Variants in FAM13C observed in about 807,000 individuals in gnomAD.
FAM13C encodes protein FAM13C.
A neutral mutation model predicts 73.2 loss-of-function variants in FAM13C; 37 were observed. The ratio of observed to expected loss-of-function variants is 0.51; its 90% CI spans 0.39 to 0.67. The LOEUF is 0.67. Ranked by LOEUF, FAM13C falls within the 30% of genes least tolerant of loss-of-function variation. The pLI, the probability that FAM13C is intolerant of heterozygous loss-of-function variation, is 0.00. For synonymous variants in FAM13C, 246 were observed against 260.9 expected (o/e 0.94, Z 0.55); for missense variants, 589 against 715.6 (o/e 0.82, Z 2.02).
intron 8 of FAM13C, among the ~76,000 whole-genome samples, chr10:59,267,062 AG>A (rs1302266296): frequency 6.6e-6 from 1 of 152,204 alleles, no homozygotes; most frequent in Admixed American, 6.5e-5. Flanking sequence ...AAAGATAACA[AG>A]TCCAAAATCA....
At chr10:59,317,403 A>C (rs752341712) in intron 4 of FAM13C, among the ~76,000 whole-genome samples, 9 of 152,180 alleles carry the variant, frequency 5.9e-5, no homozygotes, top group Non-Finnish European at 1.0e-4. Context: ...TGTTAAGCCA[A>C]GAAACTTTCC....
intron 5 of FAM13C, among the ~76,000 whole-genome samples, chr10:59,302,590 G>A (rs962945611): frequency 5.9e-5 from 9 of 152,238 alleles, no homozygotes; most frequent in African/African-American, 2.2e-4. Context: ...CCAAGACATC[G>A]CAAGCCACCT....
chr10:59,341,631 G>A (rs950969065), intron 3 of FAM13C, among the ~76,000 whole-genome samples: 1 of 152,160 alleles, frequency 6.6e-6, no homozygotes, highest in African/African-American at 2.4e-5. Flanking sequence ...GGAGGTTGCG[G>A]TGAGCTGAGA....
At chr10:59,321,294 T>C (rs975322984) in intron 4 of FAM13C, among the ~76,000 whole-genome samples, 1 of 151,918 alleles carries the variant, frequency 6.6e-6, no homozygotes, top group Non-Finnish European at 1.5e-5. Context: ...ATCAGAGAGA[T>C]GCAATGTTGG....
intron 4 of FAM13C, among the ~76,000 whole-genome samples, chr10:59,303,530 A>T (rs1039969227): frequency 1.3e-5 from 2 of 152,242 alleles, no homozygotes; most frequent in African/African-American, 4.8e-5. Context: ...TCTGCTGAAG[A>T]CAGCTTATGG....
chr10:59,317,781 A>T (rs284626), intron 4 of FAM13C, among the ~76,000 whole-genome samples: 61,406 of 151,540 alleles, frequency 0.41, 12,721 homozygotes, highest in African/African-American at 0.5. Context: ...TTTAGGGTAC[A>T]TGTGCACAAT....
intron 6 of FAM13C, among the ~76,000 whole-genome samples, chr10:59,276,598 A>G (rs902954883): frequency 6.6e-6 from 1 of 152,226 alleles, no homozygotes; most frequent in Non-Finnish European, 1.5e-5. Context: ...GCAAGGAACT[A>G]TCTTTCTGAG....
rs546441182 is a variant in FAM13C at position 59,254,124 on chromosome 10, A to G, written c.1332+224T>C. ...AAATGTTAAAATTGGCTCTAGACAT[A>G]CAAGTGCTATATGTTCCTATTTTAC... On this transcript the variant is annotated intron_variant, in intron 11 of 13. Transcript: ENST00000618804. The G allele has an allele frequency of 2.0e-5, 8 of 395,434 alleles. No individual in the cohort carries two copies. The South Asian group carries it at 5.6e-4, about 28-fold the overall frequency. 24.5% of individuals were successfully genotyped at this position (395,434 alleles called of 1,614,324 possible).
At chr10:59,292,723 A>T (rs1164151373) in intron 5 of FAM13C, among the ~76,000 whole-genome samples, 1 of 152,244 alleles carries the variant, frequency 6.6e-6, no homozygotes, top group African/African-American at 2.4e-5. Context: ...TTTTGAATTG[A>T]CACATAATAA....
intron 3 of FAM13C, among the ~76,000 whole-genome samples, chr10:59,346,577 A>G (rs1854316913): frequency 1.3e-5 from 2 of 152,120 alleles, no homozygotes; most frequent in Admixed American, 1.3e-4. Flanking sequence ...TAAAATAGCC[A>G]CCAGAGGGGA....
At chr10:59,246,130 AAATAT>A (rs1189467625) in exon 14 of FAM13C, 3 of 152,764 alleles carry the variant, frequency 2.0e-5, no homozygotes, top group South Asian at 2.1e-4. Flanking sequence ...TCAACATAAT[AAATAT>A]AATAGAAAAA....
At chr10:59,340,817 A>G (rs912275534) in intron 3 of FAM13C, among the ~76,000 whole-genome samples, 1 of 151,632 alleles carries the variant, frequency 6.6e-6, no homozygotes, top group Admixed American at 6.6e-5. Context: ...GGTTTTTGCC[A>G]TTACTTGGCA....
At chr10:59,254,160 A>G (rs1273458110) in intron 11 of FAM13C, 188 bp downstream of exon 11, 1 of 401,896 alleles carries the variant, frequency 2.5e-6, no homozygotes, top group Non-Finnish European at 4.4e-6. Context: ...AATAGTTCTA[A>G]TATCAGCCAC....
intron 11 of FAM13C, among the ~76,000 whole-genome samples, chr10:59,253,361 A>C (rs1057074996): frequency 6.6e-6 from 1 of 152,180 alleles, no homozygotes; most frequent in African/African-American, 2.4e-5. Context: ...TACTTGTGAT[A>C]TGAGTTAAGA....
chr10:59,327,999 G>A (rs554585819), intron 3 of FAM13C, among the ~76,000 whole-genome samples: 23 of 152,274 alleles, frequency 1.5e-4, no homozygotes, highest in South Asian at 4.1e-4. Flanking sequence ...CTGGCCAAGC[G>A]TAGCCCAGAT....
At chr10:59,360,554 C>T (rs1321418207) in intron 1 of FAM13C, among the ~76,000 whole-genome samples, 4 of 152,088 alleles carry the variant, frequency 2.6e-5, no homozygotes, top group South Asian at 2.1e-4. Flanking sequence ...CAGAGAAGCA[C>T]GGGATATGGG....
intron 5 of FAM13C, among the ~76,000 whole-genome samples, chr10:59,301,794 A>C (rs541807184): frequency 1.3e-5 from 2 of 152,338 alleles, no homozygotes; most frequent in African/African-American, 4.8e-5. Flanking sequence ...CACACACACA[A>C]AAATAACAAT....
At chr10:59,357,885 C>T (rs935440558) in intron 1 of FAM13C, among the ~76,000 whole-genome samples, 2 of 152,114 alleles carry the variant, frequency 1.3e-5, no homozygotes, top group African/African-American at 2.4e-5. Flanking sequence ...ATAAATATAA[C>T]CATAATATAC....
At chr10:59,271,721 A>G (rs556178648) in intron 6 of FAM13C, among the ~76,000 whole-genome samples, 1 of 152,358 alleles carries the variant, frequency 6.6e-6, no homozygotes, top group Non-Finnish European at 1.5e-5. Context: ...AAAATACACC[A>G]GTAGGTGTAT....
Sources: gnomAD v4.1 joint callset for allele counts (sites outside exome capture counted in the v4.1 genomes callset) on GRCh38, gnomAD v4.1.1 for gene constraint, MANE v1.5 for transcripts, NCBI Gene and HGNC (gene_info 2026-07-23, HGNC 2026-07-21) for gene names.